ENTREP2: variants seen among roughly 807,000 people sequenced by gnomAD.
The protein encoded by ENTREP2 is protein ENTREP2.
At chr15:29,255,856 C>A in the ENTREP2 span, among the ~76,000 whole-genome samples, 20 of 152,056 alleles carry the variant, frequency 1.3e-4, 1 homozygote, top group Middle Eastern at 0.014. Flanking sequence ...AAAAAGTTAG[C>A]CAGGCATGGT....
the ENTREP2 span, among the ~76,000 whole-genome samples, chr15:29,558,948 T>C: frequency 6.6e-6 from 1 of 152,044 alleles, no homozygotes; most frequent in Non-Finnish European, 1.5e-5. Context: ...ATTAATCATC[T>C]ATTTACATTT....
At chr15:29,288,065 T>C in the ENTREP2 span, among the ~76,000 whole-genome samples, 2 of 152,336 alleles carry the variant, frequency 1.3e-5, no homozygotes, top group African/African-American at 4.8e-5. Flanking sequence ...AAATTACATT[T>C]TTTAAACAAA....
At chr15:29,319,855 C>T in the ENTREP2 span, among the ~76,000 whole-genome samples, 1 of 152,144 alleles carries the variant, frequency 6.6e-6, no homozygotes, top group African/African-American at 2.4e-5. Context: ...GGACCAGCCT[C>T]CAAGTGAGAC....
the ENTREP2 span, among the ~76,000 whole-genome samples, chr15:29,420,087 A>T: frequency 6.6e-6 from 1 of 152,222 alleles, no homozygotes; most frequent in African/African-American, 2.4e-5. Context: ...CAACAGCAGC[A>T]GCAGAGAAGA....
chr15:29,371,697 T>C, the ENTREP2 span, among the ~76,000 whole-genome samples: 2 of 152,110 alleles, frequency 1.3e-5, no homozygotes, highest in African/African-American at 2.4e-5. Flanking sequence ...CATAACTGTC[T>C]GTCAAAATAA....
chr15:29,654,057 ACTTAT>A, the ENTREP2 span, among the ~76,000 whole-genome samples: 4 of 152,200 alleles, frequency 2.6e-5, no homozygotes, highest in Non-Finnish European at 4.4e-5. Context: ...GTATAGCTAT[ACTTAT>A]CTTAAATAAT....
chr15:29,602,422 T>C, the ENTREP2 span, among the ~76,000 whole-genome samples: 1,127 of 152,324 alleles, frequency 7.4e-3, 17 homozygotes, highest in African/African-American at 0.025. Flanking sequence ...TAAAAAAATG[T>C]ATTTTAAGCA....
the ENTREP2 span, among the ~76,000 whole-genome samples, chr15:29,387,274 T>G: frequency 1.3e-5 from 2 of 152,232 alleles, no homozygotes; most frequent in Non-Finnish European, 2.9e-5. Flanking sequence ...TTTTTGTCTT[T>G]GGTTCTGTTT....
the ENTREP2 span, among the ~76,000 whole-genome samples, chr15:29,630,847 T>C: frequency 6.6e-6 from 1 of 152,104 alleles, no homozygotes; most frequent in African/African-American, 2.4e-5. Context: ...ACCACCACGC[T>C]AATTTTTGTA....
the ENTREP2 span, among the ~76,000 whole-genome samples, chr15:29,608,380 C>G: frequency 2.0e-5 from 3 of 151,882 alleles, no homozygotes; most frequent in African/African-American, 7.3e-5. Flanking sequence ...GGAAACTGCT[C>G]CTTCCTTTCT....
At chr15:29,570,578 A>T in the ENTREP2 span, 1 of 1,469,578 alleles carries the variant, frequency 6.8e-7, no homozygotes, top group Non-Finnish European at 9.0e-7. Flanking sequence ...GGCGAAGCTG[A>T]CTGCCACGAT....
chr15:29,642,805 G>C, the ENTREP2 span, among the ~76,000 whole-genome samples: 8,126 of 151,972 alleles, frequency 0.053, 646 homozygotes, highest in African/African-American at 0.17. Flanking sequence ...GTAGAGATGG[G>C]ATTTCACCAT....
the ENTREP2 span, among the ~76,000 whole-genome samples, chr15:29,407,156 C>T: frequency 6.6e-6 from 1 of 152,204 alleles, no homozygotes; most frequent in Non-Finnish European, 1.5e-5. Context: ...CCACTACATA[C>T]CTAGGCTGTA....
At chr15:29,155,079 G>A in the ENTREP2 span, among the ~76,000 whole-genome samples, 59,905 of 150,984 alleles carry the variant, frequency 0.4, 13,261 homozygotes, top group African/African-American at 0.6. Context: ...TCAGGAGATC[G>A]AGACCATCCT....
the ENTREP2 span, among the ~76,000 whole-genome samples, chr15:29,626,904 A>G: frequency 1.3e-5 from 2 of 152,212 alleles, no homozygotes; most frequent in African/African-American, 4.8e-5. Context: ...AAAACAAATA[A>G]AAATAAACTG....
chr15:29,651,345 G>A, the ENTREP2 span, among the ~76,000 whole-genome samples: 27 of 152,312 alleles, frequency 1.8e-4, no homozygotes, highest in African/African-American at 5.5e-4. Flanking sequence ...TTCTGGAAAA[G>A]ACACCAATTG....
At chr15:29,439,630 G>A in the ENTREP2 span, among the ~76,000 whole-genome samples, 2 of 152,168 alleles carry the variant, frequency 1.3e-5, no homozygotes, top group East Asian at 3.9e-4. Context: ...GCTAACATCA[G>A]TGCTTGAAAT....
chr15:29,569,659 A>G, the ENTREP2 span: 2 of 152,226 alleles, frequency 1.3e-5, no homozygotes, highest in African/African-American at 4.8e-5. Context: ...TAATATAGGA[A>G]AAAAACCGAC....
chr15:29,305,524 G>A, the ENTREP2 span, among the ~76,000 whole-genome samples: 2 of 152,180 alleles, frequency 1.3e-5, no homozygotes, highest in Non-Finnish European at 2.9e-5. Context: ...CTGGACCCTG[G>A]ATATACTACG....
Sources: gnomAD v4.1 joint callset for allele counts (sites outside exome capture counted in the v4.1 genomes callset) on GRCh38, gnomAD v4.1.1 for gene constraint, MANE v1.5 for transcripts, NCBI Gene and HGNC (gene_info 2026-07-23, HGNC 2026-07-21) for gene names.